Variants in CATSPERG observed in about 807,000 individuals in gnomAD.
The protein encoded by CATSPERG is catsper channel auxiliary subunit gamma.
A neutral mutation model predicts 145.0 loss-of-function variants in CATSPERG; 115 were observed. That is an observed-to-expected ratio of 0.79 (90% confidence interval 0.68 to 0.93). The LOEUF (loss-of-function observed/expected upper bound fraction) is 0.93, where lower values mean the gene tolerates loss of function less well. CATSPERG is among the 40% of genes least tolerant of loss of function. The pLI, the probability that CATSPERG is intolerant of heterozygous loss-of-function variation, is 0.00. For synonymous variants in CATSPERG, 588 were observed against 589.0 expected, an observed-to-expected ratio of 1.00 and a Z score of 0.02; for missense variants, 1,296 against 1,490.1, an observed-to-expected ratio of 0.87 and a Z score of 2.14.
chr19:38,339,085 A>G (rs1032738264), intron 3 of CATSPERG, among the ~76,000 whole-genome samples: 21 of 152,320 alleles, frequency 1.4e-4, no homozygotes, highest in Admixed American at 6.5e-4. Context: ...CTGGGAGCCC[A>G]CGCTATTTAT....
Position 38,364,915 on chromosome 19 carries a change from T to G in CATSPERG, c.2500T>G (p.Cys834Gly), listed in dbSNP as rs758673708. 6.2e-7 allele frequency: 1 copy of G among 1,614,138 alleles called. No homozygotes were observed. ...GATTACGCTCAAGGATAAAAAGCTT[T>G]GCTATGACCAAGGCATTAGTGGACA... The part of the protein sequence containing the change: ...FSITLKDKKL[C>G]YDQGISGHHL... The change falls in exon 21 of 29, where the codon TGC becomes GGC. Residue 834 changes from cysteine to glycine, a missense_variant. Coordinates refer to ENST00000409235, the MANE Select transcript of CATSPERG (RefSeq NM_021185.5).
rs146410790 is a variant in CATSPERG at position 38,361,743 on chromosome 19, G to T, written c.1976G>T (p.Arg659Leu). Reference protein sequence around the residue: ...PSPQRYTRQERYRARPPRVLE... With the variant: ...PSPQRYTRQELYRARPPRVLE... Reference sequence around the variant, plus strand: ...CCGCAGAGATACACGCGCCAGGAGCGCTACCGGGCGCGGCCGCCGCGCGTC... The same window carrying T: ...CCGCAGAGATACACGCGCCAGGAGCTCTACCGGGCGCGGCCGCCGCGCGTC... Residue 659 changes from arginine (R) to leucine (L), a missense_variant, in exon 17 of 29, where the codon CGC becomes CTC. Arg to Leu is a moderately radical substitution (Grantham distance 102, BLOSUM62 -2). Coordinates refer to ENST00000409235, the MANE Select transcript of CATSPERG (RefSeq NM_021185.5). 4.0e-5 allele frequency: 64 copies of T among 1,612,192 alleles called. No homozygotes were observed. In the African/African-American group the frequency reaches 8.0e-4, roughly 20 times the overall value.
intron 7 of CATSPERG, chr19:38,348,987 C>A (rs1372149029): frequency 6.6e-6 from 1 of 152,068 alleles, no homozygotes; most frequent in East Asian, 1.9e-4. Context: ...CCAAAATAAA[C>A]CCTGGGTTTG....
intron 3 of CATSPERG, among the ~76,000 whole-genome samples, chr19:38,342,593 CCTT>C (rs1010628781): frequency 8.6e-4 from 127 of 148,478 alleles, no homozygotes; most frequent in African/African-American, 3.0e-3. Context: ...GAGTGAGACT[CCTT>C]CTTGAAAAAA....
At position 38,339,525 on chromosome 19, in the gene CATSPERG, C is replaced by T. The variant is rs374251827; in HGVS notation, c.324+1879C>T. 8.5e-5 allele frequency among the ~76,000 whole-genome samples: 13 copies of T among 152,232 alleles called. No homozygotes were observed. In the East Asian group the frequency reaches 2.3e-3, roughly 27 times the overall value. On this transcript the variant is annotated intron_variant, in intron 3 of 28. Transcript: ENST00000409235. ...TGTCGCCCAGGCTGGAGTGCAGTGG[C>T]GCAATCTCGGCACACTGCAGTCTCT...
chr19:38,343,477 GC>G (rs1969971443), intron 3 of CATSPERG, 102 bp from the exon 4 acceptor site: 11 of 1,053,472 alleles, frequency 1.0e-5, no homozygotes, highest in Non-Finnish European at 1.5e-5. Flanking sequence ...ACAGTGTGCT[GC>G]CCCCGGACAG....
At chr19:38,360,914 G>A in intron 16 of CATSPERG, 71 bp downstream of exon 16, 2 of 1,270,860 alleles carry the variant, frequency 1.6e-6, no homozygotes, top group Non-Finnish European at 2.2e-6. Flanking sequence ...TACCATTCTT[G>A]AGAGAGGGGA....
intron 6 of CATSPERG, among the ~76,000 whole-genome samples, chr19:38,344,594 C>T (rs1230438963): frequency 1.3e-5 from 2 of 151,998 alleles, no homozygotes; most frequent in East Asian, 3.9e-4. Context: ...GAACCATTTT[C>T]CCATAGTCCC....
At position 38,360,717 on chromosome 19, in the gene CATSPERG, C is replaced by G. The variant is rs777844011; in HGVS notation, c.1768-14C>G. On this transcript the variant is annotated splice_polypyrimidine_tract_variant and intron_variant, in intron 15 of 28. Transcript: ENST00000409235. Reference sequence around the variant, plus strand: ...GCTGACCCCAGCTCACCTGGCCCTGCCTTCCCCCTGCAGCTGGTGTACCTT... The same window carrying G: ...GCTGACCCCAGCTCACCTGGCCCTGGCTTCCCCCTGCAGCTGGTGTACCTT... 44 of 1,613,996 alleles carry G rather than the reference C, an allele frequency of 2.7e-5. No individual in the cohort carries two copies. Among genetic ancestry groups the G allele is most frequent in the Non-Finnish European group, 3.6e-5 (43 of 1,179,950 alleles).
chr19:38,365,420 G>A (rs151096664), intron 22 of CATSPERG: 10,393 of 299,318 alleles, frequency 0.035, 274 homozygotes, highest in Middle Eastern at 0.045. Context: ...ATAGGCGCCC[G>A]CCACCACGGC....
Position 38,362,767 on chromosome 19 carries a change from C to T in CATSPERG, c.2410C>T (p.Pro804Ser). 2 of 1,614,138 alleles carry T rather than the reference C, an allele frequency of 1.2e-6. No homozygotes were observed. The highest frequency in any genetic ancestry group is 1.7e-6 in the Non-Finnish European group (2 of 1,180,012). The change falls in exon 20 of 29, where the codon CCC (proline) becomes TCC (serine). Residue 804 changes from proline to serine, a missense_variant. Coordinates refer to ENST00000409235, the MANE Select transcript of CATSPERG (RefSeq NM_021185.5). ...QVDVGVVLAD[P>S]GCIEASVKQE... is the part of the protein sequence containing the mutation. ...GGACGTGGGCGTGGTGCTGGCCGAC[C>T]CCGGCTGCATCGAGGCCTCGGTGAA...
At chr19:38,343,011 C>T (rs1969964439) in intron 3 of CATSPERG, among the ~76,000 whole-genome samples, 1 of 152,160 alleles carries the variant, frequency 6.6e-6, no homozygotes, top group African/African-American at 2.4e-5. Context: ...GCATAGGTGG[C>T]AGAAAGTCTG....
intron 9 of CATSPERG, among the ~76,000 whole-genome samples, chr19:38,355,174 A>T (rs1326955315): frequency 6.6e-6 from 1 of 151,432 alleles, no homozygotes; most frequent in African/African-American, 2.4e-5. Context: ...GTGAAACCCC[A>T]TCTCTACTAA....
intron 22 of CATSPERG, 24 bp downstream of exon 22, chr19:38,365,141 C>A: frequency 3.1e-6 from 5 of 1,609,692 alleles, no homozygotes; most frequent in Non-Finnish European, 4.2e-6. Flanking sequence ...GGATACTGGG[C>A]CCTGGGAGGG....
Position 38,356,733 on chromosome 19 carries a change from C to T in CATSPERG, c.1196-9C>T. On this transcript the variant is annotated splice_polypyrimidine_tract_variant and intron_variant, in intron 10 of 28. Transcript: ENST00000409235. ...TGGGGCGGCTCTGGACTGCCCCTTT[C>T]CCTCTCAGTTACCACCTGCTCCATA... The T allele has an allele frequency of 2.5e-6, 4 of 1,613,956 alleles. 1 individual carries two copies. The highest frequency in any genetic ancestry group is 3.4e-6 in the Non-Finnish European group (4 of 1,179,910).
intron 21 of CATSPERG, 38 bp from the exon 22 acceptor site, chr19:38,365,023 C>A: frequency 6.2e-7 from 1 of 1,613,726 alleles, no homozygotes; most frequent in Non-Finnish European, 8.5e-7. Context: ...AAGCCTGGGC[C>A]GGCGGGGATC....
intron 19 of CATSPERG, 40 bp from the exon 20 acceptor site, chr19:38,362,673 TC>T: frequency 6.2e-7 from 1 of 1,605,240 alleles, no homozygotes; most frequent in Non-Finnish European, 8.5e-7. Flanking sequence ...GCGGGGCCTG[TC>T]TGTGAGGGAG....
rs1420607066 is a variant in CATSPERG, at chr19:38,370,741, A to G, written c.3429A>G (p.Thr1143=). 6.2e-7 allele frequency: 1 copy of G among 1,614,122 alleles called. No homozygotes were observed. Among genetic ancestry groups the G allele is most frequent in the Non-Finnish European group, 8.5e-7 (1 of 1,180,022 alleles). ...RMGSMFSSRM[T]EDRAEPKEAV... is the part of the protein sequence containing the mutation. ...GCTCCATGTTCAGCTCCAGGATGACAGAGGACAGGGCTGAACCCAAGGAAG... is the reference window on the plus strand; with the variant it reads ...GCTCCATGTTCAGCTCCAGGATGACGGAGGACAGGGCTGAACCCAAGGAAG... The change falls in exon 29 of 29, where the codon ACA becomes ACG. Residue 1143 remains threonine, a synonymous_variant. Coordinates refer to ENST00000409235, the MANE Select transcript of CATSPERG (RefSeq NM_021185.5).
chr19:38,361,910 C>T (rs1389072196), intron 17 of CATSPERG, 49 bp downstream of exon 17: 2 of 1,311,022 alleles, frequency 1.5e-6, no homozygotes, highest in East Asian at 4.6e-5. Flanking sequence ...ACTGGGGCAG[C>T]CGGGAGCTGG....
Sources: allele counts gnomAD v4.1 joint callset (sites outside exome capture counted in the v4.1 genomes callset), GRCh38; gene constraint gnomAD v4.1.1; transcripts MANE v1.5; gene names NCBI Gene and HGNC (gene_info 2026-07-23, HGNC 2026-07-21).